Variants in XKR6 observed in about 807,000 individuals in gnomAD.
XKR6 encodes XK related 6, also known as XK-related protein 6.
In XKR6, 22 loss-of-function variants were observed where a neutral mutation model predicts 56.7. That is an observed-to-expected ratio of 0.39 (90% CI 0.28 to 0.55). The LOEUF (loss-of-function observed/expected upper bound fraction) is 0.55, where lower values mean the gene tolerates loss of function less well. XKR6 is among the 20% of genes least tolerant of loss of function. The probability of loss-of-function intolerance (pLI) is 0.66; values close to 1 mark genes in which losing one functional copy is unlikely to be tolerated. For synonymous variants in XKR6, 524 were observed against 387.8 expected (o/e 1.35, Z -4.13); for missense variants, 852 against 889.0 (o/e 0.96, Z 0.53).
intron 1 of XKR6, among the ~76,000 whole-genome samples, chr8:11,067,934 G>A (rs1800022365): frequency 1.3e-5 from 2 of 152,244 alleles, no homozygotes; most frequent in Non-Finnish European, 2.9e-5. Context: ...TGCTGTGACA[G>A]GATGCCCTCA....
intron 1 of XKR6, among the ~76,000 whole-genome samples, chr8:10,993,080 G>T (rs748077113): frequency 6.6e-6 from 1 of 152,262 alleles, no homozygotes; most frequent in Non-Finnish European, 1.5e-5. Flanking sequence ...GTGTATATGT[G>T]TGTGTATCTA....
chr8:11,161,767 T>C (rs1801825938), intron 1 of XKR6, among the ~76,000 whole-genome samples: 1 of 152,108 alleles, frequency 6.6e-6, no homozygotes, highest in Non-Finnish European at 1.5e-5. Flanking sequence ...GGTATTTTAA[T>C]ATTTAATATA....
chr8:11,014,272 G>C (rs1798566979), intron 1 of XKR6, among the ~76,000 whole-genome samples: 1 of 152,258 alleles, frequency 6.6e-6, no homozygotes, highest in Non-Finnish European at 1.5e-5. Flanking sequence ...CTCCAAAGGA[G>C]TGTAGCGGCC....
intron 1 of XKR6, among the ~76,000 whole-genome samples, chr8:11,045,455 A>C (rs1799389682): frequency 6.6e-6 from 1 of 152,148 alleles, no homozygotes; most frequent in South Asian, 2.1e-4. Context: ...GCCAGAGGGG[A>C]GGATGGGCAG....
intron 1 of XKR6, among the ~76,000 whole-genome samples, chr8:11,075,846 C>A (rs886481592): frequency 7.2e-5 from 11 of 152,182 alleles, no homozygotes; most frequent in Non-Finnish European, 1.3e-4. Context: ...GCACTCCAGC[C>A]TGGGCAACAT....
At chr8:11,075,352 C>T (rs1160452420) in intron 1 of XKR6, among the ~76,000 whole-genome samples, 1 of 152,208 alleles carries the variant, frequency 6.6e-6, no homozygotes, top group Admixed American at 6.5e-5. Flanking sequence ...AGTCTCTCTT[C>T]TGCCAATGAA....
chr8:10,985,418 C>T (rs73539329), intron 1 of XKR6, among the ~76,000 whole-genome samples: 24,221 of 151,916 alleles, frequency 0.16, 5,998 homozygotes, highest in African/African-American at 0.53. Context: ...TTAAAAGGAA[C>T]ATTGTCTAGA....
At chr8:11,148,687 G>C (rs1005194330) in intron 1 of XKR6, among the ~76,000 whole-genome samples, 10 of 152,156 alleles carry the variant, frequency 6.6e-5, no homozygotes, top group Non-Finnish European at 1.3e-4. Flanking sequence ...TATTTATCGA[G>C]GAGAAATAAA....
chr8:11,063,320 T>C (rs1005726195), intron 1 of XKR6, among the ~76,000 whole-genome samples: 1 of 140,882 alleles, frequency 7.1e-6, no homozygotes, highest in Admixed American at 7.1e-5. Context: ...GAACAAAAAG[T>C]AAAAAAAAAA....
At chr8:11,038,782 C>A (rs1030339828) in intron 1 of XKR6, among the ~76,000 whole-genome samples, 2 of 152,032 alleles carry the variant, frequency 1.3e-5, no homozygotes, top group African/African-American at 2.4e-5. Flanking sequence ...CTCAAGTGAT[C>A]CTTCCACCTG....
At chr8:11,114,693 A>G (rs1799074077) in intron 1 of XKR6, among the ~76,000 whole-genome samples, 1 of 150,950 alleles carries the variant, frequency 6.6e-6, no homozygotes, top group Non-Finnish European at 1.5e-5. Flanking sequence ...TAAATTTAAC[A>G]ATATTTTAAT....
At chr8:11,152,932 G>A (rs551545145) in intron 1 of XKR6, among the ~76,000 whole-genome samples, 4 of 152,318 alleles carry the variant, frequency 2.6e-5, no homozygotes, top group African/African-American at 9.6e-5. Flanking sequence ...AATGGCCCAA[G>A]CTGTAGCCCA....
chr8:10,991,595 C>T (rs1797995040), intron 1 of XKR6, among the ~76,000 whole-genome samples: 1 of 152,174 alleles, frequency 6.6e-6, no homozygotes, highest in Non-Finnish European at 1.5e-5. Flanking sequence ...TAAAAGCATA[C>T]TCTATGGAAT....
intron 1 of XKR6, among the ~76,000 whole-genome samples, chr8:10,945,172 C>CA (rs1350424311): frequency 1.3e-5 from 2 of 152,130 alleles, no homozygotes; most frequent in African/African-American, 2.4e-5. Context: ...CAAGACGTTG[C>CA]AAAAAACTTG....
chr8:11,172,969 G>A (rs1489066638), intron 1 of XKR6, among the ~76,000 whole-genome samples: 2 of 152,110 alleles, frequency 1.3e-5, no homozygotes, highest in Admixed American at 1.3e-4. Context: ...CTATTATCCG[G>A]TATTTAAGCC....
rs149467461 is a variant in XKR6 at position 10,931,045 on chromosome 8, A to G, written c.765-6215T>C. Among the ~76,000 whole-genome samples the G allele has an allele frequency of 3.7e-3, 559 of 152,330 alleles. 3 individuals carry two copies. The highest frequency in any genetic ancestry group is 0.013 in the African/African-American group (521 of 41,570). ...TAGATTGAAAATCCTAAGCAATCCT[A>G]AGCAAGAAGCTCATATAAATAATTA... On this transcript the variant is annotated intron_variant, in intron 1 of 2. Transcript: ENST00000416569.
At chr8:11,160,409 T>C (rs1196892489) in intron 1 of XKR6, among the ~76,000 whole-genome samples, 1 of 151,288 alleles carries the variant, frequency 6.6e-6, no homozygotes, top group African/African-American at 2.4e-5. Flanking sequence ...AAAGGAATAA[T>C]GATGGGGAAT....
intron 1 of XKR6, among the ~76,000 whole-genome samples, chr8:11,133,984 G>A (rs1378989833): frequency 1.3e-5 from 2 of 152,120 alleles, no homozygotes; most frequent in South Asian, 4.1e-4. Flanking sequence ...CTATCAAATA[G>A]CCTCATCCTG....
intron 1 of XKR6, among the ~76,000 whole-genome samples, chr8:11,046,068 C>G (rs1799403305): frequency 6.6e-6 from 1 of 151,974 alleles, no homozygotes; most frequent in Non-Finnish European, 1.5e-5. Flanking sequence ...CCATATAATC[C>G]AATCCCACTT....
Sources: gnomAD v4.1 joint callset for allele counts (sites outside exome capture counted in the v4.1 genomes callset) on GRCh38, gnomAD v4.1.1 for gene constraint, MANE v1.5 for transcripts, NCBI Gene and HGNC (gene_info 2026-07-23, HGNC 2026-07-21) for gene names.